Variants in CALN1 observed in about 807,000 individuals in gnomAD.
CALN1 encodes calcium-binding protein 8.
CALN1 carries 17 observed loss-of-function variants against 30.6 expected under a neutral mutation model. The observed-to-expected ratio is 0.56, with a 90% CI of 0.38 to 0.83. The LOEUF (loss-of-function observed/expected upper bound fraction) is 0.83, where lower values mean the gene tolerates loss of function less well. Among genes scored for constraint, CALN1 ranks in the 40% least tolerant of loss-of-function variants. CALN1 has a pLI of 0.00. For missense variants in CALN1, 291 were observed against 354.9 expected (o/e 0.82, Z 1.45); for synonymous variants, 156 against 131.4 (o/e 1.19, Z -1.28).
chr7:72,350,046 A>G (rs1430702752), intron 2 of CALN1, among the ~76,000 whole-genome samples: 1 of 152,162 alleles, frequency 6.6e-6, no homozygotes, highest in Non-Finnish European at 1.5e-5. Flanking sequence ...GTTTCCTTCA[A>G]GGGTTTTTAT....
intron 5 of CALN1, among the ~76,000 whole-genome samples, chr7:71,984,724 C>G (rs1354917868): frequency 6.6e-6 from 1 of 152,168 alleles, no homozygotes; most frequent in Non-Finnish European, 1.5e-5. Flanking sequence ...CCAAGGCCAT[C>G]CCAGACCAGC....
the CALN1 span, among the ~76,000 whole-genome samples, chr7:72,455,578 C>T: frequency 2.0e-5 from 3 of 152,034 alleles, no homozygotes; most frequent in Admixed American, 6.6e-5. Context: ...GGACAAGTGT[C>T]TAAAGGAAGA....
chr7:71,882,622 C>T (rs1043520313), intron 5 of CALN1, among the ~76,000 whole-genome samples: 4 of 152,088 alleles, frequency 2.6e-5, no homozygotes, highest in Non-Finnish European at 5.9e-5. Context: ...AGAGGCCTTC[C>T]CCTTTGCATC....
At chr7:71,963,611 AC>A (rs1035452550) in intron 5 of CALN1, among the ~76,000 whole-genome samples, 2 of 152,196 alleles carry the variant, frequency 1.3e-5, no homozygotes, top group African/African-American at 2.4e-5. Context: ...AGCCTAGGAA[AC>A]TTTTTCTCTT....
the CALN1 span, among the ~76,000 whole-genome samples, chr7:72,487,707 GA>G: frequency 0.017 from 1,112 of 65,406 alleles, 29 homozygotes; most frequent in African/African-American, 0.041. Context: ...AGAAAGAAAA[GA>G]AAAGAAAAGA....
rs13311919 is a variant in CALN1 at position 72,054,510 on chromosome 7, C to T, written c.389-30741G>A. On this transcript the variant is annotated intron_variant, in intron 4 of 6. Transcript: ENST00000395275. ...ATATATACATATATACATATATATA[C>T]ATATATATACATATATACATACATA... 2.7e-3 allele frequency among the ~76,000 whole-genome samples: 220 copies of T among 82,556 alleles called. 12 individuals are homozygous for T. The highest frequency in any genetic ancestry group is 0.015 in the African/African-American group (200 of 13,550). 54.2% of individuals were successfully genotyped at this position (82,556 alleles called of 152,430 possible). A position where few individuals can be genotyped will look rare whatever the true frequency, so the allele number is the denominator to read the frequency against.
At chr7:72,034,518 A>G (rs146365081) in intron 4 of CALN1, among the ~76,000 whole-genome samples, 233 of 150,416 alleles carry the variant, frequency 1.5e-3, no homozygotes, top group Non-Finnish European at 2.9e-3. Context: ...TGTGCCCGGG[A>G]ACGGTGGCTC....
intron 6 of CALN1, 99 bp downstream of exon 6, chr7:71,810,237 T>C (rs1203115009): frequency 1.5e-6 from 2 of 1,324,594 alleles, no homozygotes; most frequent in East Asian, 4.8e-5. Context: ...CAAGGGAACA[T>C]CAGCCCAAGA....
chr7:72,002,347 A>C (rs1277410173), intron 5 of CALN1, among the ~76,000 whole-genome samples: 1 of 152,258 alleles, frequency 6.6e-6, no homozygotes, highest in Non-Finnish European at 1.5e-5. Flanking sequence ...ATCACCTAAC[A>C]CAAAGCCTAT....
Position 72,101,025 on chromosome 7 carries a change from G to A in CALN1, c.388+5126C>T, listed in dbSNP as rs377496331. The stretch of plus-strand genomic sequence containing the variant: ...GTCACCCAGGCTGGAGTGCAGTGGC[G>A]TGATCTCAGCTTACTGCAACCTCTG... On this transcript the variant is annotated intron_variant, in intron 4 of 6. Transcript: ENST00000395275. Among the ~76,000 whole-genome samples, 10 of 151,632 alleles carry A rather than the reference G, an allele frequency of 6.6e-5. No individual in the cohort carries two copies. The South Asian group carries it at 8.4e-4, about 13-fold the overall frequency.
At chr7:71,890,348 G>A (rs1793168526) in intron 5 of CALN1, among the ~76,000 whole-genome samples, 1 of 152,164 alleles carries the variant, frequency 6.6e-6, no homozygotes, top group South Asian at 2.1e-4. Flanking sequence ...GCTATGCTCT[G>A]GAGCCATTAC....
At chr7:72,028,744 A>G (rs565110917) in intron 4 of CALN1, among the ~76,000 whole-genome samples, 1 of 152,278 alleles carries the variant, frequency 6.6e-6, no homozygotes, top group Admixed American at 6.5e-5. Flanking sequence ...TAATCCCAAC[A>G]CTTTGGGAGG....
At chr7:72,388,700 C>CAG (rs377402191) in intron 2 of CALN1, among the ~76,000 whole-genome samples, 100 of 151,520 alleles carry the variant, frequency 6.6e-4, no homozygotes, top group African/African-American at 1.6e-3. Flanking sequence ...CCTAAAAATG[C>CAG]AGAGAGAGAG....
chr7:72,440,653 C>T (rs1808316654), intron 1 of CALN1, among the ~76,000 whole-genome samples: 1 of 152,156 alleles, frequency 6.6e-6, no homozygotes, highest in Non-Finnish European at 1.5e-5. Context: ...ATGAGGAAAC[C>T]CCATCTCTAC....
intron 4 of CALN1, among the ~76,000 whole-genome samples, chr7:72,064,281 CAAA>C (rs11315302): frequency 1.5e-5 from 2 of 133,922 alleles, no homozygotes; most frequent in African/African-American, 2.8e-5. Flanking sequence ...GACTCCATCT[CAAA>C]AAAAAAAAAA....
chr7:71,834,493 T>C (rs1259076456), intron 5 of CALN1, among the ~76,000 whole-genome samples: 3 of 151,980 alleles, frequency 2.0e-5, no homozygotes, highest in African/African-American at 7.2e-5. Context: ...GCTGTACAAA[T>C]ATTAGCATCA....
chr7:72,359,490 C>G (rs906128135), intron 2 of CALN1, among the ~76,000 whole-genome samples: 2 of 152,136 alleles, frequency 1.3e-5, no homozygotes, highest in Admixed American at 1.3e-4. Flanking sequence ...TTTCACTTGA[C>G]AAGGTACTAC....
chr7:72,268,146 A>G (rs1796717054), intron 3 of CALN1, among the ~76,000 whole-genome samples: 1 of 151,928 alleles, frequency 6.6e-6, no homozygotes, highest in Non-Finnish European at 1.5e-5. Context: ...TTTAGCTGTG[A>G]TGATGATTAT....
chr7:71,800,126 G>T (rs57159284), intron 6 of CALN1, among the ~76,000 whole-genome samples: 13,445 of 152,288 alleles, frequency 0.088, 737 homozygotes, highest in East Asian at 0.25. Flanking sequence ...GGAACGCTGT[G>T]ACTTCAGCGG....
Sources: allele counts gnomAD v4.1 joint callset (sites outside exome capture counted in the v4.1 genomes callset), GRCh38; gene constraint gnomAD v4.1.1; transcripts MANE v1.5; gene names NCBI Gene and HGNC (gene_info 2026-07-23, HGNC 2026-07-21).